AP3S2: variants seen among roughly 807,000 people sequenced by gnomAD.
AP3S2 encodes AP-3 complex subunit sigma-2.
AP3S2 carries 22 observed loss-of-function variants against 23.4 expected under a neutral mutation model. The ratio of observed to expected loss-of-function variants is 0.94; its 90% CI spans 0.67 to 1.34. AP3S2 has a LOEUF of 1.34. Ranked by LOEUF, AP3S2 falls within the 40% of genes most tolerant of loss-of-function variation. AP3S2 has a pLI of 0.00. For missense variants in AP3S2, 241 were observed against 236.9 expected, an observed-to-expected ratio of 1.02 and a Z score of -0.11; for synonymous variants, 86 against 87.1, an observed-to-expected ratio of 0.99 and a Z score of 0.07.
intron 3 of AP3S2, among the ~76,000 whole-genome samples, chr15:89,888,298 T>G (rs1896744215): frequency 2.0e-5 from 3 of 152,150 alleles, no homozygotes; most frequent in African/African-American, 7.2e-5. Context: ...AAGTATAAAT[T>G]TGTAAATGAA....
At chr15:89,889,197 C>A in intron 1 of AP3S2, 57 bp from the exon 2 acceptor site, 2 of 1,581,438 alleles carry the variant, frequency 1.3e-6, no homozygotes. Flanking sequence ...TACATCCCAT[C>A]CATGGGGATG....
intron 4 of AP3S2, among the ~76,000 whole-genome samples, chr15:89,843,810 GAAACAAAAACAA>G (rs746386313): frequency 2.6e-5 from 4 of 152,040 alleles, no homozygotes; most frequent in Non-Finnish European, 5.9e-5. Context: ...CTCCGTCTCA[GAAACAAAAACAA>G]AAACAAAAAC....
At position 89,859,373 on chromosome 15, in the gene AP3S2, C is replaced by A. The variant is rs1250286900; in HGVS notation, c.345+12102G>T. Among the ~76,000 whole-genome samples the A allele has an allele frequency of 9.1e-5, 10 of 110,348 alleles. No homozygotes were observed. The Admixed American group carries it at 9.6e-4, about 11-fold the overall frequency. The allele number at this position is 110,348 out of a possible 152,430, so 72.4% of individuals were successfully genotyped here. On this transcript the variant is annotated intron_variant, in intron 4 of 5. Transcript: ENST00000336418. ...CCTTCTTTCCTTCCTTTCCTTCCTT[C>A]CTTCCTTCCTTCCTTTTCTTTCTTT...
At chr15:89,870,139 GGA>G (rs1393516170) in intron 4 of AP3S2, among the ~76,000 whole-genome samples, 2 of 152,150 alleles carry the variant, frequency 1.3e-5, no homozygotes, top group Non-Finnish European at 2.9e-5. Context: ...TACTTGAAAG[GGA>G]CTCTAGTTCC....
At chr15:89,848,496 G>A (rs1895552855) in intron 4 of AP3S2, 1 of 152,364 alleles carries the variant, frequency 6.6e-6, no homozygotes, top group South Asian at 2.1e-4. Flanking sequence ...GAGTAGCTGG[G>A]ACTACAGGCA....
rs770651629 is a variant in AP3S2 at position 89,835,613 on chromosome 15, C to T, written c.484G>A (p.Val162Met). Residue 162 changes from valine to methionine, a missense_variant, in exon 6 of 6, where the codon GTG (valine) becomes ATG (methionine). Coordinates refer to ENST00000336418, the MANE Select transcript of AP3S2 (RefSeq NM_005829.5). ...GGLSAAPARA[V>M]SAVKNINLPE... is the part of the protein sequence containing the mutation. The stretch of plus-strand genomic sequence containing the variant: ...AGGTTGATGTTTTTCACAGCAGACA[C>T]AGCCCGCGCAGGGGCTGCTGAAAGG... 14 of 1,610,340 alleles carry T rather than the reference C, an allele frequency of 8.7e-6. No homozygotes were observed. In the Middle Eastern group the frequency reaches 6.6e-4, roughly 76 times the overall value.
intron 4 of AP3S2, among the ~76,000 whole-genome samples, chr15:89,861,192 C>G (rs1377311905): frequency 2.0e-5 from 3 of 152,100 alleles, no homozygotes; most frequent in African/African-American, 4.8e-5. Context: ...ATTTTAGCAG[C>G]CTATGCTTAG....
chr15:89,866,470 C>T (rs949303907), intron 4 of AP3S2, among the ~76,000 whole-genome samples: 4 of 151,580 alleles, frequency 2.6e-5, no homozygotes, highest in African/African-American at 9.7e-5. Context: ...GGGCAGCTGG[C>T]ATTCCCAGAC....
At chr15:89,856,524 C>A (rs1201534776) in intron 4 of AP3S2, among the ~76,000 whole-genome samples, 1 of 152,008 alleles carries the variant, frequency 6.6e-6, no homozygotes, top group Admixed American at 6.6e-5. Context: ...GATGGTGCAA[C>A]CCCGTCTCTA....
chr15:89,839,705 G>A (rs558309958), intron 4 of AP3S2, among the ~76,000 whole-genome samples: 1 of 152,252 alleles, frequency 6.6e-6, no homozygotes, highest in Admixed American at 6.5e-5. Flanking sequence ...AAGAGAATGT[G>A]TACACCCATG....
chr15:89,881,823 ATTT>A (rs752970064), intron 3 of AP3S2, among the ~76,000 whole-genome samples: 1 of 144,660 alleles, frequency 6.9e-6, no homozygotes, highest in Non-Finnish European at 1.5e-5. Context: ...CATACTCTTC[ATTT>A]TTTTTTTTTT....
At chr15:89,853,532 C>T (rs574176778) in intron 4 of AP3S2, among the ~76,000 whole-genome samples, 147 of 152,260 alleles carry the variant, frequency 9.7e-4, no homozygotes, top group African/African-American at 3.4e-3. Flanking sequence ...GGCTGCCACC[C>T]CGTCTGGGAA....
At chr15:89,847,326 T>G (rs1331489200) in intron 4 of AP3S2, among the ~76,000 whole-genome samples, 1 of 127,096 alleles carries the variant, frequency 7.9e-6, no homozygotes, top group African/African-American at 3.1e-5. Context: ...AAGACTTCAG[T>G]GATTGCACCA....
Position 89,858,835 on chromosome 15 carries a change from T to G in AP3S2, c.345+12640A>C, listed in dbSNP as rs571551163. On this transcript the variant is annotated intron_variant, in intron 4 of 5. Transcript: ENST00000336418. ...ATCTCTAAAGGTCAAATTGTGCTGT[T>G]TTGTGTACACTGTTATTCTACTAAC... 2.6e-5 allele frequency among the ~76,000 whole-genome samples: 4 copies of G among 152,280 alleles called. No homozygotes were observed. In the East Asian group the frequency reaches 7.7e-4, roughly 29 times the overall value.
At chr15:89,888,916 T>C in intron 2 of AP3S2, 133 bp downstream of exon 2, 1 of 1,031,192 alleles carries the variant, frequency 9.7e-7, no homozygotes, top group Non-Finnish European at 1.4e-6. Context: ...TGTCTCTCCC[T>C]GAGCAGATCA....
At chr15:89,864,180 T>C (rs933343570) in intron 4 of AP3S2, among the ~76,000 whole-genome samples, 6 of 152,224 alleles carry the variant, frequency 3.9e-5, no homozygotes, top group Admixed American at 6.5e-5. Context: ...ATAAGACATA[T>C]GAGGAAGAAC....
chr15:89,861,305 A>G (rs868286573), intron 4 of AP3S2, among the ~76,000 whole-genome samples: 2 of 152,132 alleles, frequency 1.3e-5, no homozygotes, highest in Admixed American at 6.5e-5. Flanking sequence ...ATTGAAATCT[A>G]TTTAAAAAAA....
chr15:89,835,655 T>C lies in AP3S2; in HGVS notation c.454-12A>G, dbSNP rs1258765713. On this transcript the variant is annotated splice_polypyrimidine_tract_variant and intron_variant, in intron 5 of 5. Transcript: ENST00000336418. ...GCTGAAAGGCCACCCTAAGAAGAAA[T>C]GAGAGGCGAGTATGAGACAAATTCT... is the stretch of plus-strand genomic sequence containing the variant. The C allele has an allele frequency of 1.9e-6, 3 of 1,566,468 alleles. No individual in the cohort carries two copies. Among genetic ancestry groups the C allele is most frequent in the Non-Finnish European group, 2.6e-6 (3 of 1,163,424 alleles).
chr15:89,837,534 C>G (rs1227683466), intron 5 of AP3S2, 81 bp downstream of exon 5: 2 of 1,538,716 alleles, frequency 1.3e-6, no homozygotes, highest in Non-Finnish European at 1.8e-6. Flanking sequence ...CACAGCAACA[C>G]AAACCAACAC....
Sources: gnomAD v4.1 joint callset for allele counts (sites outside exome capture counted in the v4.1 genomes callset) on GRCh38, gnomAD v4.1.1 for gene constraint, MANE v1.5 for transcripts, NCBI Gene and HGNC (gene_info 2026-07-23, HGNC 2026-07-21) for gene names.